The following ARMC8 variants were observed in gnomAD, a reference collection of about 807,000 sequenced individuals.
ARMC8 encodes the protein armadillo repeat containing 8, also known as armadillo repeat-containing protein 8.
ARMC8 carries 20 observed loss-of-function variants against 99.3 expected under a neutral mutation model. The observed-to-expected ratio is 0.20, with a 90% confidence interval of 0.14 to 0.29. ARMC8 has a LOEUF of 0.29. Among genes scored for constraint, ARMC8 ranks in the 10% least tolerant of loss-of-function variants. The pLI is 1.00. For missense variants in ARMC8, 569 were observed against 809.5 expected (o/e 0.70, Z 3.60); for synonymous variants, 263 against 278.3 (o/e 0.95, Z 0.55).
intron 12 of ARMC8, among the ~76,000 whole-genome samples, chr3:138,249,916 A>G (rs2047047388): frequency 1.3e-5 from 2 of 152,218 alleles, no homozygotes; most frequent in African/African-American, 4.8e-5. Context: ...CCATGGAGCT[A>G]TCCTTGAGTC....
At chr3:138,271,798 C>CTTTTTTTT (rs776320900) in intron 16 of ARMC8, among the ~76,000 whole-genome samples, 3 of 136,134 alleles carry the variant, frequency 2.2e-5, no homozygotes, top group African/African-American at 8.5e-5. Context: ...TTTTTTCTTT[C>CTTTTTTTT]TTTTTTTTTT....
chr3:138,269,899 T>C (rs2048628954), intron 15 of ARMC8, 141 bp from the exon 16 acceptor site: 1 of 354,312 alleles, frequency 2.8e-6, no homozygotes, highest in South Asian at 7.9e-5. Flanking sequence ...TTTTTATGGC[T>C]ACATCACTCC....
At chr3:138,274,229 A>G (rs2049052899) in intron 17 of ARMC8, among the ~76,000 whole-genome samples, 2 of 143,500 alleles carry the variant, frequency 1.4e-5, no homozygotes, top group Non-Finnish European at 1.5e-5. Context: ...TAATGTGTAT[A>G]TACATGTGTG....
At chr3:138,272,820 C>CACTGCAGAGCAGGCAGA in intron 16 of ARMC8, 147 bp from the exon 17 acceptor site, 1 of 598,722 alleles carries the variant, frequency 1.7e-6, no homozygotes, top group Non-Finnish European at 2.5e-6. Flanking sequence ...TGCAGTGAGC[C>CACTGCAGAGCAGGCAGA]GTTATTGTGC....
chr3:138,188,166 A>G, intron 1 of ARMC8: 1 of 272,870 alleles, frequency 3.7e-6, no homozygotes, highest in Non-Finnish European at 7.1e-6. Context: ...TATCAGCTGC[A>G]ACTCTTCCTA....
At chr3:138,246,735 A>G in intron 12 of ARMC8, 1 of 985,492 alleles carries the variant, frequency 1.0e-6, no homozygotes, top group South Asian at 4.7e-5. Flanking sequence ...TTAATTTGTG[A>G]TATCATGTTC....
chr3:138,212,089 G>A (rs1441838019), intron 2 of ARMC8, among the ~76,000 whole-genome samples: 2 of 152,110 alleles, frequency 1.3e-5, no homozygotes, highest in Non-Finnish European at 2.9e-5. Flanking sequence ...ATAGTTTAAA[G>A]GGGACAGATC....
chr3:138,288,983 C>T, intron 19 of ARMC8, 65 bp from the exon 20 acceptor site: 1 of 1,405,806 alleles, frequency 7.1e-7, no homozygotes, highest in Non-Finnish European at 9.9e-7. Context: ...GTAGGTCCCC[C>T]CAAAAAAAAA....
At chr3:138,234,965 G>C (rs2046253438) in intron 6 of ARMC8, 69 bp from the exon 7 acceptor site, 2 of 1,276,468 alleles carry the variant, frequency 1.6e-6, no homozygotes, top group South Asian at 2.5e-5. Context: ...CTACATTTAA[G>C]TAAATGTGGT....
intron 16 of ARMC8, among the ~76,000 whole-genome samples, chr3:138,272,727 T>G (rs897211431): frequency 4.6e-5 from 7 of 152,002 alleles, no homozygotes; most frequent in Admixed American, 3.3e-4. Context: ...ATACAAAAAT[T>G]AGCCAGGCGT....
chr3:138,197,549 G>A (rs1319668956), intron 1 of ARMC8, among the ~76,000 whole-genome samples: 2 of 152,210 alleles, frequency 1.3e-5, no homozygotes, highest in Non-Finnish European at 2.9e-5. Context: ...GGATTGAGAA[G>A]TTGGCATTTA....
intron 1 of ARMC8, among the ~76,000 whole-genome samples, chr3:138,198,832 G>GT (rs934920040): frequency 1.7e-4 from 25 of 150,242 alleles, no homozygotes; most frequent in East Asian, 9.7e-4. Flanking sequence ...ATATTTTAGA[G>GT]TTTTTTTTTC....
intron 12 of ARMC8, among the ~76,000 whole-genome samples, chr3:138,259,908 C>G (rs2047601595): frequency 6.6e-6 from 1 of 152,186 alleles, no homozygotes; most frequent in African/African-American, 2.4e-5. Context: ...TTCCTACCTT[C>G]CCTTTGTAGA....
chr3:138,264,770 A>G (rs971350227), intron 14 of ARMC8, among the ~76,000 whole-genome samples: 1 of 146,178 alleles, frequency 6.8e-6, no homozygotes, highest in Non-Finnish European at 1.6e-5. Context: ...TGATCTCCCT[A>G]TTTGTTTAAT....
intron 21 of ARMC8, among the ~76,000 whole-genome samples, chr3:138,292,948 A>G (rs2051109694): frequency 6.6e-6 from 1 of 152,180 alleles, no homozygotes; most frequent in Non-Finnish European, 1.5e-5. Flanking sequence ...CAAAGGAAAA[A>G]GATGCCTGGA....
In ARMC8 at chr3:138,239,226, G is replaced by A; in HGVS notation, c.777-242G>A. 6 of 395,006 alleles carry A rather than the reference G, an allele frequency of 1.5e-5. No individual in the cohort carries two copies. The South Asian group carries it at 2.1e-4, about 14-fold the overall frequency. 24.5% of individuals were successfully genotyped at this position (395,006 alleles called of 1,614,324 possible). On this transcript the variant is annotated intron_variant, in intron 9 of 21. Transcript: ENST00000469044. ...AGGTTATTTATTTTTAAAACTATTT[G>A]GTAGGTTTTTGTTTCATTTTGTTTT...
intron 14 of ARMC8, 55 bp downstream of exon 14, chr3:138,264,267 T>C (rs1412742621): frequency 7.0e-6 from 10 of 1,418,630 alleles, no homozygotes; most frequent in Non-Finnish European, 1.0e-5. Context: ...TAGAGTGAGC[T>C]GAGCTAGCTA....
At chr3:138,274,233 A>ATGTGTGTGTGTGTGTG (rs142329302) in intron 17 of ARMC8, among the ~76,000 whole-genome samples, 11 of 142,268 alleles carry the variant, frequency 7.7e-5, no homozygotes, top group African/African-American at 2.8e-4. Flanking sequence ...GTGTATATAC[A>ATGTGTGTGTGTGTGTG]TGTGTGTGTG....
At chr3:138,237,747 C>T (rs1280373499) in intron 9 of ARMC8, among the ~76,000 whole-genome samples, 175 bp downstream of exon 9, 4 of 152,140 alleles carry the variant, frequency 2.6e-5, no homozygotes, top group Non-Finnish European at 5.9e-5. Flanking sequence ...TTATACTCAG[C>T]TTATTACTAG....
Sources: gnomAD v4.1 joint callset for allele counts (sites outside exome capture counted in the v4.1 genomes callset) on GRCh38, gnomAD v4.1.1 for gene constraint, MANE v1.5 for transcripts, NCBI Gene and HGNC (gene_info 2026-07-23, HGNC 2026-07-21) for gene names.